The following EIF2AK3 variants were observed in gnomAD, a reference collection of about 807,000 sequenced individuals.
EIF2AK3 encodes the protein eukaryotic translation initiation factor 2 alpha kinase 3, also known as eukaryotic translation initiation factor 2-alpha kinase 3.
In EIF2AK3, 50 loss-of-function variants were observed where a neutral mutation model predicts 113.5. That is an observed-to-expected ratio of 0.44 (90% CI 0.35 to 0.56). The LOEUF (loss-of-function observed/expected upper bound fraction) is 0.56, where lower values mean the gene tolerates loss of function less well. Among genes scored for constraint, EIF2AK3 ranks in the 20% least tolerant of loss-of-function variants. The pLI is 0.00. For synonymous variants in EIF2AK3, 448 were observed against 495.4 expected (o/e 0.90, Z 1.27); for missense variants, 1,185 against 1,378.0 (o/e 0.86, Z 2.22).
intron 2 of EIF2AK3, 134 bp downstream of exon 2, chr2:88,613,590 T>C (rs756957928): frequency 1.1e-6 from 1 of 879,618 alleles, no homozygotes; most frequent in Non-Finnish European, 1.8e-6. Context: ...AGTTAAGTAA[T>C]TGCCCTAAAG....
At chr2:88,588,701 ACAGT>A (rs1245044516) in intron 7 of EIF2AK3, 56 bp downstream of exon 7, 8 of 1,586,582 alleles carry the variant, frequency 5.0e-6, no homozygotes, top group East Asian at 2.2e-5. Context: ...TAGGGCAAAG[ACAGT>A]CAGGATTAGG....
Position 88,575,701 on chromosome 2 carries a change from A to T in EIF2AK3, c.2037-255T>A. On this transcript the variant is annotated intron_variant, in intron 12 of 16. Transcript: ENST00000303236. ...TTACCTGGGACTGTCTGGGGCTGCC[A>T]GAGCAGCCAAAGCCTTTTATGCAAA... The T allele has an allele frequency of 6.2e-6, 3 of 484,818 alleles. No homozygotes were observed. The South Asian group carries it at 6.4e-5, about 10-fold the overall frequency. 30.0% of individuals were successfully genotyped at this position (484,818 alleles called of 1,614,324 possible).
At chr2:88,622,509 G>A (rs1201054611) in intron 1 of EIF2AK3, among the ~76,000 whole-genome samples, 1 of 152,184 alleles carries the variant, frequency 6.6e-6, no homozygotes, top group East Asian at 1.9e-4. Context: ...CAGATAAAAA[G>A]CAATCTCCCA....
At chr2:88,619,624 G>A (rs954102332) in intron 1 of EIF2AK3, among the ~76,000 whole-genome samples, 4 of 152,028 alleles carry the variant, frequency 2.6e-5, no homozygotes, top group African/African-American at 9.7e-5. Flanking sequence ...TTAAACAACA[G>A]CCATGTACTC....
intron 10 of EIF2AK3, chr2:88,580,086 C>T (rs1181466551): frequency 2.9e-5 from 6 of 203,628 alleles, no homozygotes; most frequent in Non-Finnish European, 5.0e-5. Context: ...TCCTATTATA[C>T]CCAGGTACTA....
chr2:88,570,193 T>C (rs746478989), intron 14 of EIF2AK3, among the ~76,000 whole-genome samples: 6 of 152,240 alleles, frequency 3.9e-5, no homozygotes, highest in Non-Finnish European at 7.3e-5. Flanking sequence ...AGATAAAATT[T>C]TGTTAAGAAA....
At chr2:88,597,095 T>G (rs1036931766) in intron 2 of EIF2AK3, among the ~76,000 whole-genome samples, 1 of 152,222 alleles carries the variant, frequency 6.6e-6, no homozygotes, top group Non-Finnish European at 1.5e-5. Context: ...CAGATTGCTT[T>G]CTTTAAAGGG....
Position 88,627,088 on chromosome 2 carries a change from C to G in EIF2AK3, c.187G>C (p.Gly63Arg). The change falls in exon 1 of 17, where the codon GGC (glycine) becomes CGC (arginine). Residue 63 changes from glycine to arginine, a missense_variant. Gly to Arg is a moderately radical substitution (Grantham distance 125, BLOSUM62 -2). Around this residue, in one of 3 missense-constraint regions of EIF2AK3, gnomAD observed 189 missense variants for 175.2 expected, o/e 1.08. Transcript: ENST00000303236. ...GTCACCTCGGCCGCAGCCACGGCGC[C>G]CGCCGCCGGTACTCGCGTCGCTGAG... is the stretch of plus-strand genomic sequence containing the variant. Reference protein sequence around the residue: ...PTSATRVPAAGAVAAAEVTVE... With the variant: ...PTSATRVPAARAVAAAEVTVE... 6.4e-7 allele frequency: 1 copy of G among 1,554,626 alleles called. No homozygotes were observed. The highest frequency in any genetic ancestry group is 8.6e-7 in the Non-Finnish European group (1 of 1,158,738).
chr2:88,582,054 A>G (rs1036129276), intron 10 of EIF2AK3, among the ~76,000 whole-genome samples: 1 of 152,190 alleles, frequency 6.6e-6, no homozygotes, highest in Non-Finnish European at 1.5e-5. Flanking sequence ...ATTACCACCT[A>G]GTGATCCACT....
intron 14 of EIF2AK3, among the ~76,000 whole-genome samples, chr2:88,563,484 A>G (rs968073570): frequency 1.3e-5 from 2 of 152,218 alleles, no homozygotes; most frequent in Non-Finnish European, 2.9e-5. Context: ...TTATAGGGGA[A>G]CTGAAAAGGA....
At chr2:88,587,204 C>CAAAAACAAA (rs1674758702) in intron 8 of EIF2AK3, among the ~76,000 whole-genome samples, 1 of 30,262 alleles carries the variant, frequency 3.3e-5, no homozygotes, top group Non-Finnish European at 5.3e-5. Context: ...AACTCCATCT[C>CAAAAACAAA]AAAAAAAAAA....
intron 15 of EIF2AK3, among the ~76,000 whole-genome samples, chr2:88,559,538 G>GTGTT (rs1553405879): frequency 6.6e-6 from 1 of 151,202 alleles, no homozygotes; most frequent in Non-Finnish European, 1.5e-5. Context: ...GTGTGTGTGT[G>GTGTT]TGTGTATGTA....
chr2:88,622,410 G>A (rs1424890831), intron 1 of EIF2AK3, among the ~76,000 whole-genome samples: 2 of 152,210 alleles, frequency 1.3e-5, no homozygotes, highest in African/African-American at 2.4e-5. Flanking sequence ...GGAGTAAAGA[G>A]ACACGCTGAA....
intron 15 of EIF2AK3, among the ~76,000 whole-genome samples, chr2:88,559,593 A>AAGAGAAAGGGGAGAGAGAGAG (rs1333959610): frequency 6.7e-6 from 1 of 148,226 alleles, no homozygotes; most frequent in Non-Finnish European, 1.5e-5. Context: ...GGGAGGGAGA[A>AAGAGAAAGGGGAGAGAGAGAG]AGAGAAAGGG....
intron 13 of EIF2AK3, 129 bp from the exon 14 acceptor site, chr2:88,571,170 A>C: frequency 1.7e-6 from 2 of 1,171,290 alleles, no homozygotes; most frequent in Admixed American, 3.9e-5. Context: ...TTCTTTTTAA[A>C]ATGGGCTAAC....
chr2:88,591,404 G>T (rs1448104942), intron 4 of EIF2AK3, among the ~76,000 whole-genome samples: 3 of 152,196 alleles, frequency 2.0e-5, no homozygotes, highest in Non-Finnish European at 4.4e-5. Context: ...GTAGCACACA[G>T]TCTGCCTTAC....
chr2:88,577,460 T>A (rs1674490242), intron 11 of EIF2AK3, among the ~76,000 whole-genome samples: 1 of 151,218 alleles, frequency 6.6e-6, no homozygotes, highest in African/African-American at 2.4e-5. Flanking sequence ...CTACAAGCTA[T>A]CTTTTTTTTT....
chr2:88,615,082 C>G (rs1487504907), intron 1 of EIF2AK3, among the ~76,000 whole-genome samples: 2 of 152,188 alleles, frequency 1.3e-5, no homozygotes, highest in Non-Finnish European at 2.9e-5. Context: ...ACTGTGCTTC[C>G]TATTTCATAG....
chr2:88,568,378 C>T (rs569994865), intron 14 of EIF2AK3, among the ~76,000 whole-genome samples: 4 of 152,284 alleles, frequency 2.6e-5, no homozygotes, highest in South Asian at 4.1e-4. Context: ...ATGAATCAAG[C>T]GAGCAGTGCC....
Sources: allele counts gnomAD v4.1 joint callset (sites outside exome capture counted in the v4.1 genomes callset), GRCh38; gene constraint gnomAD v4.1.1; regional missense constraint gnomAD v4.1.1; transcripts MANE v1.5; gene names NCBI Gene and HGNC (gene_info 2026-07-23, HGNC 2026-07-21).